The following GCLC variants were observed in gnomAD, a reference collection of about 807,000 sequenced individuals.
GCLC encodes glutamate-cysteine ligase catalytic subunit.
Under a neutral mutation model 81.5 loss-of-function variants are expected in GCLC, and 30 were observed. The observed-to-expected ratio is 0.37, with a 90% CI of 0.28 to 0.50. The LOEUF (loss-of-function observed/expected upper bound fraction) is 0.50. Among genes scored for constraint, GCLC ranks in the 20% least tolerant of loss-of-function variants. The pLI is 0.96. For missense variants in GCLC, 556 were observed against 777.4 expected (o/e 0.72, Z 3.39); for synonymous variants, 262 against 273.3 (o/e 0.96, Z 0.41).
chr6:53,537,201 C>A (rs3799699), intron 1 of GCLC, among the ~76,000 whole-genome samples: 2 of 152,136 alleles, frequency 1.3e-5, no homozygotes, highest in African/African-American at 4.8e-5. Flanking sequence ...CCAGAATCAA[C>A]TGAAGTGCTC....
At chr6:53,500,804 C>T (rs767397524) in intron 12 of GCLC, 7 of 456,558 alleles carry the variant, frequency 1.5e-5, no homozygotes, top group African/African-American at 4.0e-5. Context: ...TGTGACTGAG[C>T]CTTGCAACAG....
chr6:53,536,582 G>A (rs1763260984), intron 1 of GCLC, among the ~76,000 whole-genome samples: 1 of 152,138 alleles, frequency 6.6e-6, no homozygotes, highest in Middle Eastern at 3.2e-3. Flanking sequence ...TATCAGTAAT[G>A]CTTCATATAC....
At chr6:53,534,855 A>G (rs1763233563) in intron 1 of GCLC, among the ~76,000 whole-genome samples, 1 of 152,218 alleles carries the variant, frequency 6.6e-6, no homozygotes, top group Non-Finnish European at 1.5e-5. Context: ...ATACTTGAAG[A>G]CTCAATATTG....
rs1763423383 is a variant in GCLC at position 53,544,834 on chromosome 6, G to A, written c.-189C>T. Reference sequence around the variant, plus strand: ...CCCCGGCGGCGGCCCCTGGCGCCCAGGTGACAGACCCTGGGTCCGACGCAC... The same window carrying A: ...CCCCGGCGGCGGCCCCTGGCGCCCAAGTGACAGACCCTGGGTCCGACGCAC... On this transcript the variant is annotated 5_prime_UTR_variant, in exon 1 of 16. Transcript: ENST00000650454. 8.2e-6 allele frequency: 4 copies of A among 484,892 alleles called. No individual in the cohort carries two copies. The highest frequency in any genetic ancestry group is 1.4e-5 in the Non-Finnish European group (4 of 285,266). 30.0% of individuals were successfully genotyped at this position (484,892 alleles called of 1,614,324 possible). A position where few individuals can be genotyped will look rare whatever the true frequency, so the allele number is the denominator to read the frequency against.
chr6:53,518,596 T>C (rs1762930780), intron 3 of GCLC, among the ~76,000 whole-genome samples: 1 of 152,152 alleles, frequency 6.6e-6, no homozygotes, highest in African/African-American at 2.4e-5. Flanking sequence ...GGAACCATTC[T>C]CAAGGTAAAG....
chr6:53,527,039 C>T (rs1405064875), intron 1 of GCLC, among the ~76,000 whole-genome samples: 3 of 152,136 alleles, frequency 2.0e-5, no homozygotes, highest in Admixed American at 6.5e-5. Flanking sequence ...TATGCTTGAC[C>T]TCTGAAGAGA....
At chr6:53,509,653 CCTTTT>C (rs530243309) in intron 6 of GCLC, 393 of 247,360 alleles carry the variant, frequency 1.6e-3, no homozygotes, top group Middle Eastern at 3.1e-3. Flanking sequence ...TTTCTTTCTT[CCTTTT>C]ATTTTTTTGA....
chr6:53,506,117 G>C lies in GCLC; in HGVS notation c.1198-222C>G. On this transcript the variant is annotated intron_variant, in intron 10 of 15. Coordinates refer to ENST00000650454, the MANE Select transcript of GCLC (RefSeq NM_001498.4). The surrounding 1 kb of genome is among the most constrained non-coding windows in gnomAD (Gnocchi z 4.0). ...AAGCTATGAGGCCCTATCACTGCAA[G>C]CTTAATCTCACCCAGCTCCTACTCC... 1 of 494,604 alleles carries C rather than the reference G, an allele frequency of 2.0e-6. No individual in the cohort carries two copies. Among genetic ancestry groups the C allele is most frequent in the South Asian group, 2.0e-5 (1 of 49,932 alleles). The allele number at this position is 494,604 out of a possible 1,614,324, so 30.6% of individuals were successfully genotyped here.
intron 3 of GCLC, among the ~76,000 whole-genome samples, chr6:53,516,659 C>T (rs1286517525): frequency 6.6e-6 from 1 of 152,148 alleles, no homozygotes; most frequent in Non-Finnish European, 1.5e-5. Flanking sequence ...TGCTGCATGG[C>T]ACCACTGCCT....
intron 12 of GCLC, chr6:53,503,442 C>A (rs1476111552): frequency 6.6e-6 from 1 of 152,214 alleles, no homozygotes; most frequent in Non-Finnish European, 1.5e-5. Flanking sequence ...TTAGCCCTAA[C>A]TTGATCCATT....
rs553115402 is a variant in GCLC, at chr6:53,542,601, CAGA to C, written c.150+1892_150+1894del. On this transcript the variant is annotated intron_variant, in intron 1 of 15. Transcript: ENST00000650454. ...GTGGTGGGGGGTGGGGTGTTGTCTCCAGAAGGAGTTGCTGAGCTCCAACTGTGC... is the reference window on the plus strand; with the variant it reads ...GTGGTGGGGGGTGGGGTGTTGTCTCCAGGAGTTGCTGAGCTCCAACTGTGC... Among the ~76,000 whole-genome samples the C allele has an allele frequency of 2.0e-3, 304 of 152,130 alleles. 2 individuals carry two copies. Among genetic ancestry groups the C allele is most frequent in the African/African-American group, 7.1e-3 (294 of 41,482 alleles).
chr6:53,508,502 T>C (rs2127621257), intron 8 of GCLC, 93 bp downstream of exon 8: 2 of 817,190 alleles, frequency 2.4e-6, no homozygotes, highest in Non-Finnish European at 4.4e-6. Flanking sequence ...CAGATAAAAA[T>C]TGCAGGGAGA....
At position 53,514,172 on chromosome 6, in the gene GCLC, C is replaced by T. The variant is rs1764813317; in HGVS notation, c.753+32G>A. The T allele has an allele frequency of 1.9e-6, 3 of 1,608,388 alleles. No individual in the cohort carries two copies. In the South Asian group the frequency reaches 3.3e-5, roughly 18 times the overall value. On this transcript the variant is annotated intron_variant, in intron 6 of 15. Transcript: ENST00000650454. ...AGTTAAAAAACAGAAATGGATGGAA[C>T]ACTTTGCCTCTCTGTATATTTGAAA... is the stretch of plus-strand genomic sequence containing the variant.
Position 53,505,441 on chromosome 6 carries a change from G to C in GCLC, c.1346C>G (p.Thr449Ser). 6.2e-7 allele frequency: 1 copy of C among 1,607,494 alleles called. No homozygotes were observed. Among genetic ancestry groups the C allele is most frequent in the Non-Finnish European group, 8.5e-7 (1 of 1,174,182 alleles). ...SAYVVFVVLL[T>S]RVILSYKLDF... is the part of the protein sequence containing the mutation. Reference sequence around the variant, plus strand: ...CAATTTGTAGGAAAGGATCACTCTGGTGAGCAGTACCACAAACACCACATA... The same window carrying C: ...CAATTTGTAGGAAAGGATCACTCTGCTGAGCAGTACCACAAACACCACATA... Residue 449 changes from threonine to serine, a missense_variant, in exon 12 of 16, where the codon ACC (threonine) becomes AGC (serine). This residue lies in a region of GCLC where 313 missense variants were observed against 437.3 expected (regional missense o/e 0.72). Coordinates refer to ENST00000650454, the MANE Select transcript of GCLC (RefSeq NM_001498.4).
chr6:53,537,052 A>G (rs537907597), intron 1 of GCLC, among the ~76,000 whole-genome samples: 1 of 152,298 alleles, frequency 6.6e-6, no homozygotes, highest in African/African-American at 2.4e-5. Context: ...ACCTTCACAT[A>G]CTATCCAATG....
Position 53,498,708 on chromosome 6 carries a change from G to A in GCLC, c.*48C>T. ...ACACACGGGCTGGCTGAGAGGCATG[G>A]TACTGTAGCCAGTTCGTCAATAATG... On this transcript the variant is annotated 3_prime_UTR_variant, in exon 16 of 16. Coordinates refer to ENST00000650454, the MANE Select transcript of GCLC (RefSeq NM_001498.4). 1 of 1,143,268 alleles carries A rather than the reference G, an allele frequency of 8.7e-7. No homozygotes were observed. The allele number at this position is 1,143,268 out of a possible 1,614,324, so 70.8% of individuals were successfully genotyped here.
intron 3 of GCLC, 38 bp from the exon 4 acceptor site, chr6:53,516,260 T>C (rs763894324): frequency 3.1e-6 from 4 of 1,297,854 alleles, no homozygotes; most frequent in Admixed American, 1.7e-5. Context: ...TGGGATTTGT[T>C]TTCAAGAATT....
At chr6:53,542,146 C>G (rs1313881242) in intron 1 of GCLC, among the ~76,000 whole-genome samples, 1 of 152,204 alleles carries the variant, frequency 6.6e-6, no homozygotes, top group African/African-American at 2.4e-5. Context: ...CCACCACGCC[C>G]AGCCATTATT....
At chr6:53,513,727 G>C in intron 6 of GCLC, 1 of 174,662 alleles carries the variant, frequency 5.7e-6, no homozygotes, top group Admixed American at 5.5e-5. Context: ...TCAGGGGCAA[G>C]ACAAACACAA....
Sources: allele counts gnomAD v4.1 joint callset (sites outside exome capture counted in the v4.1 genomes callset), GRCh38; gene constraint gnomAD v4.1.1; regional missense constraint gnomAD v4.1.1; non-coding constraint Gnocchi (gnomAD v3.1); transcripts MANE v1.5; gene names NCBI Gene and HGNC (gene_info 2026-07-23, HGNC 2026-07-21).